CEP162: variants seen among roughly 807,000 people sequenced by gnomAD.
CEP162 encodes centrosomal protein of 162 kDa.
In CEP162, 141 loss-of-function variants were observed where a neutral mutation model predicts 169.2. That is an observed-to-expected ratio of 0.83 (90% CI 0.73 to 0.96). CEP162 has a LOEUF of 0.96. CEP162 is among the 40% of genes least tolerant of loss of function. The probability of loss-of-function intolerance (pLI) is 0.00; values close to 1 mark genes in which losing one functional copy is unlikely to be tolerated. For missense variants in CEP162, 1,600 were observed against 1,587.2 expected (o/e 1.01, Z -0.14); for synonymous variants, 540 against 526.4 (o/e 1.03, Z -0.35).
At chr6:84,225,798 C>G (rs1477774363) in intron 2 of CEP162, among the ~76,000 whole-genome samples, 2 of 151,618 alleles carry the variant, frequency 1.3e-5, no homozygotes, top group African/African-American at 2.4e-5. Flanking sequence ...ACAGAAGAAG[C>G]CTCTCTGAAG....
chr6:84,174,814 T>C lies in CEP162; in HGVS notation c.1938A>G (p.Glu646=), dbSNP rs1470493156. The change falls in exon 15 of 27, where the codon GAA becomes GAG. Residue 646 remains glutamate, a synonymous_variant. Coordinates refer to ENST00000403245, the MANE Select transcript of CEP162 (RefSeq NM_014895.4). ...TTAGTTCTTCCAACTTATTTTCTAG[T>C]TCTTTCTCCTTTTCTGAGAATGTGG... is the stretch of plus-strand genomic sequence containing the variant. ...IKATFSEKEK[E]LENKLEELKK... 5 of 1,595,534 alleles carry C rather than the reference T, an allele frequency of 3.1e-6. No individual in the cohort carries two copies. The highest frequency in any genetic ancestry group is 2.7e-5 in the African/African-American group (2 of 74,714).
chr6:84,182,368 A>G (rs13192046), intron 13 of CEP162, among the ~76,000 whole-genome samples: 1 of 151,460 alleles, frequency 6.6e-6, no homozygotes, highest in African/African-American at 2.4e-5. Flanking sequence ...TTGTCCTTTC[A>G]TGGCAAAAAA....
chr6:84,186,791 C>A lies in CEP162; in HGVS notation c.1110-168G>T, dbSNP rs1463211244. ...CAGTATAATTTTGATTAACAGTACA[C>A]TCACATAGTGTAATTGCTTTTAATT... On this transcript the variant is annotated intron_variant, in intron 11 of 26. Transcript: ENST00000403245. 7.9e-5 allele frequency among the ~76,000 whole-genome samples: 12 copies of A among 152,186 alleles called. No individual in the cohort carries two copies. In the East Asian group the frequency reaches 2.3e-3, roughly 29 times the overall value.
intron 6 of CEP162, among the ~76,000 whole-genome samples, chr6:84,206,896 A>G (rs1206639115): frequency 6.6e-6 from 1 of 152,238 alleles, no homozygotes. Flanking sequence ...CAACCCCACC[A>G]AAAAGTGGGC....
chr6:84,215,801 T>G lies in CEP162; in HGVS notation c.294A>C (p.Leu98Phe). 5.7e-6 allele frequency: 9 copies of G among 1,592,144 alleles called. No individual in the cohort carries two copies. Among genetic ancestry groups the G allele is most frequent in the Non-Finnish European group, 6.9e-6 (8 of 1,167,404 alleles). The change falls in exon 4 of 27, where the codon TTA (leucine) becomes TTC (phenylalanine). Residue 98 changes from leucine to phenylalanine, a missense_variant. By Grantham distance (22) the Leu-to-Phe change is conservative (BLOSUM62 0). Transcript: ENST00000403245. ...CATTTGTTTCTAAGCTATCAGTACTTAAGAGAGAGGTTCCACTGCTCTTAA... is the reference window on the plus strand; with the variant it reads ...CATTTGTTTCTAAGCTATCAGTACTGAAGAGAGAGGTTCCACTGCTCTTAA... The part of the protein sequence containing the change: ...QFLKSSGTSL[L>F]STDSLETNEL...
chr6:84,219,096 A>AT, intron 3 of CEP162: 1 of 1,040,208 alleles, frequency 9.6e-7, no homozygotes, highest in Non-Finnish European at 1.3e-6. Flanking sequence ...TTAATGTTTA[A>AT]TGGTACCTGT....
chr6:84,141,878 A>C (rs964653113), intron 25 of CEP162, among the ~76,000 whole-genome samples: 2 of 152,126 alleles, frequency 1.3e-5, no homozygotes, highest in African/African-American at 4.8e-5. Context: ...TCCTGTGCTC[A>C]AGGAAAAGAA....
At chr6:84,140,348 T>C (rs1192708078) in intron 25 of CEP162, among the ~76,000 whole-genome samples, 1 of 152,176 alleles carries the variant, frequency 6.6e-6, no homozygotes. Flanking sequence ...GAGGTGTCTC[T>C]GTGGGAGGCT....
intron 11 of CEP162, among the ~76,000 whole-genome samples, chr6:84,190,477 T>C (rs1189574973): frequency 1.3e-5 from 2 of 152,152 alleles, no homozygotes; most frequent in East Asian, 3.9e-4. Context: ...TACTGCTCAC[T>C]CTTCGGGTCC....
chr6:84,139,126 CTA>C (rs1588708554), intron 25 of CEP162, among the ~76,000 whole-genome samples: 1 of 152,190 alleles, frequency 6.6e-6, no homozygotes, highest in Non-Finnish European at 1.5e-5. Context: ...GAAAAGCTCT[CTA>C]TCCTCCTCTT....
intron 11 of CEP162, among the ~76,000 whole-genome samples, chr6:84,188,935 T>C (rs1189241262): frequency 1.3e-5 from 2 of 152,208 alleles, no homozygotes; most frequent in Admixed American, 1.3e-4. Context: ...CTGACTGGCA[T>C]GAGATGGCAT....
intron 25 of CEP162, among the ~76,000 whole-genome samples, chr6:84,135,192 A>C (rs576908951): frequency 2.0e-5 from 3 of 152,230 alleles, no homozygotes; most frequent in Non-Finnish European, 2.9e-5. Context: ...TAATAGTATA[A>C]AAACACATGC....
chr6:84,225,991 A>G (rs553389908), intron 2 of CEP162, among the ~76,000 whole-genome samples: 54 of 152,272 alleles, frequency 3.5e-4, no homozygotes, highest in African/African-American at 1.3e-3. Context: ...GCAGTGAGAT[A>G]TGTAAGAGTG....
intron 19 of CEP162, among the ~76,000 whole-genome samples, chr6:84,162,577 C>T (rs958767516): frequency 6.6e-6 from 1 of 152,148 alleles, no homozygotes; most frequent in East Asian, 1.9e-4. Flanking sequence ...CAGCCTCTCT[C>T]CATCCCTTCA....
At chr6:84,207,189 AC>A in intron 6 of CEP162, among the ~76,000 whole-genome samples, 1 of 152,206 alleles carries the variant, frequency 6.6e-6, no homozygotes, top group Non-Finnish European at 1.5e-5. Context: ...AACTAGAAAT[AC>A]CATTTGACCC....
intron 1 of CEP162, among the ~76,000 whole-genome samples, chr6:84,227,155 C>T (rs1423409567): frequency 6.6e-6 from 1 of 152,130 alleles, no homozygotes; most frequent in Non-Finnish European, 1.5e-5. Context: ...CCTAATGAAC[C>T]CAACCTTGGG....
chr6:84,166,407 A>G (rs1270457007), intron 18 of CEP162, among the ~76,000 whole-genome samples: 1 of 152,110 alleles, frequency 6.6e-6, no homozygotes, highest in Middle Eastern at 3.2e-3. Context: ...TCCTGTCCAC[A>G]CTATTAAATG....
chr6:84,146,668 T>A lies in CEP162; in HGVS notation c.3870+19A>T. 1 of 1,208,852 alleles carries A rather than the reference T, an allele frequency of 8.3e-7. No homozygotes were observed. The highest frequency in any genetic ancestry group is 1.4e-5 in the South Asian group (1 of 70,034). 74.9% of individuals were successfully genotyped at this position (1,208,852 alleles called of 1,614,324 possible). ...CTAAGAAAAACTTATTTTAGCCCAA[T>A]ATTTTGGCCATTTCTTACCTCTTTC... On this transcript the variant is annotated intron_variant, in intron 25 of 26. Coordinates refer to ENST00000403245, the MANE Select transcript of CEP162 (RefSeq NM_014895.4).
intron 10 of CEP162, among the ~76,000 whole-genome samples, chr6:84,194,170 C>T (rs1361001774): frequency 6.6e-6 from 1 of 151,986 alleles, no homozygotes; most frequent in African/African-American, 2.4e-5. Context: ...GCCTGACCAA[C>T]ATGCCAAAAC....
Sources: gnomAD v4.1 joint callset for allele counts (sites outside exome capture counted in the v4.1 genomes callset) on GRCh38, gnomAD v4.1.1 for gene constraint, MANE v1.5 for transcripts, NCBI Gene and HGNC (gene_info 2026-07-23, HGNC 2026-07-21) for gene names.